Variants in HIVEP3 observed in about 807,000 individuals in gnomAD.
The protein encoded by HIVEP3 is transcription factor HIVEP3.
In HIVEP3, 49 loss-of-function variants were observed where a neutral mutation model predicts 152.8. The ratio of observed to expected loss-of-function variants is 0.32; its 90% CI spans 0.26 to 0.41. The LOEUF is 0.41. HIVEP3 is among the 10% of genes least tolerant of loss of function. The probability of loss-of-function intolerance (pLI) is 1.00; values close to 1 mark genes in which losing one functional copy is unlikely to be tolerated. For synonymous variants in HIVEP3, 1,269 were observed against 1,289.0 expected (o/e 0.98, Z 0.33); for missense variants, 2,790 against 3,103.3 (o/e 0.90, Z 2.40).
rs200939032 is a variant in HIVEP3, at chr1:41,583,932, C to T, written c.866G>A (p.Ser289Asn). 531 of 1,614,160 alleles carry T rather than the reference C, an allele frequency of 3.3e-4. 6 individuals carry two copies. The East Asian group carries it at 0.011, about 35-fold the overall frequency. Reference protein sequence around the residue: ...GESTDSEEETSATSGHPAELS... With the variant: ...GESTDSEEETNATSGHPAELS... The stretch of plus-strand genomic sequence containing the variant: ...CTCTGCAGGGTGACCAGAGGTGGCA[C>T]TAGTCTCCTCTTCAGAATCTGTGCT... Residue 289 changes from serine to asparagine, a missense_variant, in exon 4 of 9, where the codon AGT becomes AAT. Coordinates refer to ENST00000372583, the MANE Select transcript of HIVEP3 (RefSeq NM_024503.5). The surrounding 1 kb of genome is among the most constrained non-coding windows in gnomAD (Gnocchi z 6.9).
intron 1 of HIVEP3, among the ~76,000 whole-genome samples, chr1:42,032,820 G>A (rs1318395011): frequency 2.0e-5 from 3 of 152,064 alleles, no homozygotes; most frequent in Non-Finnish European, 2.9e-5. Flanking sequence ...TTCTGGCCAC[G>A]GCCTCCTAAC....
intron 1 of HIVEP3, among the ~76,000 whole-genome samples, chr1:41,760,281 C>G (rs1279258555): frequency 6.6e-6 from 1 of 152,214 alleles, no homozygotes; most frequent in Admixed American, 6.5e-5. Context: ...GTGGTACCAA[C>G]TTAGCTACTG....
intron 1 of HIVEP3, among the ~76,000 whole-genome samples, chr1:41,943,302 A>G (rs553498617): frequency 6.6e-6 from 1 of 152,372 alleles, no homozygotes; most frequent in South Asian, 2.1e-4. Flanking sequence ...AACAATGGGA[A>G]GAGGATTTAG....
intron 2 of HIVEP3, among the ~76,000 whole-genome samples, chr1:41,641,250 G>C (rs745950795): frequency 6.6e-5 from 10 of 152,246 alleles, no homozygotes; most frequent in Non-Finnish European, 1.3e-4. Flanking sequence ...TAGGACAGGG[G>C]CAGGGAGTAA....
At chr1:41,721,495 C>A (rs1646673927) in intron 1 of HIVEP3, among the ~76,000 whole-genome samples, 2 of 152,176 alleles carry the variant, frequency 1.3e-5, no homozygotes, top group African/African-American at 4.8e-5. Flanking sequence ...TGTGAGCCAC[C>A]ATGCCTGACC....
intron 2 of HIVEP3, among the ~76,000 whole-genome samples, chr1:41,635,541 TGTATGTATATATACATACATATACATAC>T (rs74209578): frequency 7.0e-4 from 34 of 48,242 alleles, no homozygotes; most frequent in Middle Eastern, 8.8e-3. Context: ...TGCACGTATA[TGTATGTATATATACATACATATACATAC>T]GTATGTATAT....
At chr1:41,642,629 C>G (rs28756685) in intron 2 of HIVEP3, among the ~76,000 whole-genome samples, 6,995 of 152,276 alleles carry the variant, frequency 0.046, 563 homozygotes, top group African/African-American at 0.16. Flanking sequence ...CATCTGATCT[C>G]TGAGGACAGG....
chr1:41,583,051 G>T lies in HIVEP3; in HGVS notation c.1747C>A (p.His583Asn). ...GGCTGGCGCTTCAGCATCCGGGGGT[G>T]GGAGGTAAACACGTGACTGCTGTGG... ...LSHSSHVFTSHPRMLKRQPAI... is the reference protein window; with the variant it reads ...LSHSSHVFTSNPRMLKRQPAI... Residue 583 changes from histidine (H) to asparagine (N), a missense_variant, in exon 4 of 9, where the codon CAC becomes AAC. Physicochemically the swap from His to Asn is moderately conservative, Grantham distance 68 (BLOSUM62 1). This residue lies in a region of HIVEP3 where 339 missense variants were observed against 327.0 expected (regional missense o/e 1.04). Transcript: ENST00000372583. The surrounding 1 kb of genome is among the most constrained non-coding windows in gnomAD (Gnocchi z 6.9). 1 of 1,613,856 alleles carries T rather than the reference G, an allele frequency of 6.2e-7. No homozygotes were observed. The highest frequency in any genetic ancestry group is 8.5e-7 in the Non-Finnish European group (1 of 1,179,878).
At chr1:41,928,431 C>G (rs1427835113) in intron 1 of HIVEP3, among the ~76,000 whole-genome samples, 1 of 152,066 alleles carries the variant, frequency 6.6e-6, no homozygotes, top group Non-Finnish European at 1.5e-5. Context: ...TCCCATACAC[C>G]CTTTACCCAG....
intron 4 of HIVEP3, among the ~76,000 whole-genome samples, chr1:41,576,344 C>A (rs887078014): frequency 6.6e-6 from 1 of 152,202 alleles, no homozygotes; most frequent in Non-Finnish European, 1.5e-5. Flanking sequence ...GTTAGTCCTG[C>A]AGGACCCACG....
At chr1:41,551,514 GT>G in intron 5 of HIVEP3, among the ~76,000 whole-genome samples, 1 of 152,034 alleles carries the variant, frequency 6.6e-6, no homozygotes, top group Non-Finnish European at 1.5e-5. Flanking sequence ...GTCCTGGACT[GT>G]TTTTGGTTGG....
intron 1 of HIVEP3, among the ~76,000 whole-genome samples, chr1:42,007,360 T>C (rs1645465928): frequency 6.6e-6 from 1 of 152,170 alleles, no homozygotes; most frequent in Non-Finnish European, 1.5e-5. Context: ...TTTTGTTCGG[T>C]TGGTTCAGTT....
chr1:41,977,726 A>T (rs1461464478), intron 1 of HIVEP3, among the ~76,000 whole-genome samples: 2 of 152,220 alleles, frequency 1.3e-5, no homozygotes, highest in Non-Finnish European at 2.9e-5. Flanking sequence ...CCACAGCATA[A>T]GTGACACATT....
chr1:41,667,285 C>T (rs1273063181), intron 2 of HIVEP3, among the ~76,000 whole-genome samples: 1 of 152,254 alleles, frequency 6.6e-6, no homozygotes, highest in Non-Finnish European at 1.5e-5. Context: ...TAACCAGCAA[C>T]TACAGGAGGC....
At chr1:41,569,192 A>G (rs1644215616) in intron 5 of HIVEP3, among the ~76,000 whole-genome samples, 1 of 152,176 alleles carries the variant, frequency 6.6e-6, no homozygotes, top group Non-Finnish European at 1.5e-5. Flanking sequence ...TAAATTTCCC[A>G]GTCTTCAGTA....
chr1:41,962,208 A>T (rs1419601945), intron 1 of HIVEP3, among the ~76,000 whole-genome samples: 1 of 152,242 alleles, frequency 6.6e-6, no homozygotes, highest in Non-Finnish European at 1.5e-5. Flanking sequence ...ATTTACCAAG[A>T]ATGCTCAGGA....
chr1:41,999,663 T>C (rs927033169), intron 1 of HIVEP3, among the ~76,000 whole-genome samples: 3 of 152,058 alleles, frequency 2.0e-5, no homozygotes, highest in Admixed American at 2.0e-4. Context: ...AGATCAAAGA[T>C]GATTGCAGAA....
intron 1 of HIVEP3, among the ~76,000 whole-genome samples, chr1:41,924,599 C>A (rs1195418974): frequency 6.7e-6 from 1 of 149,370 alleles, no homozygotes; most frequent in Non-Finnish European, 1.5e-5. Flanking sequence ...AACCTCCTAA[C>A]ACTGACTTTT....
At chr1:41,709,690 G>A (rs933138650) in intron 1 of HIVEP3, among the ~76,000 whole-genome samples, 4 of 152,196 alleles carry the variant, frequency 2.6e-5, no homozygotes, top group Non-Finnish European at 4.4e-5. Context: ...TAGATAATTG[G>A]AGTCTTAGGC....
Sources: gnomAD v4.1 joint callset for allele counts (sites outside exome capture counted in the v4.1 genomes callset) on GRCh38, gnomAD v4.1.1 for gene constraint, gnomAD v4.1.1 regional missense constraint, Gnocchi (gnomAD v3.1) non-coding constraint, MANE v1.5 for transcripts, NCBI Gene and HGNC (gene_info 2026-07-23, HGNC 2026-07-21) for gene names.